The following MANBA variants were observed in gnomAD, a reference collection of about 807,000 sequenced individuals.
MANBA encodes the protein beta-mannosidase.
A neutral mutation model predicts 111.1 loss-of-function variants in MANBA; 83 were observed. The ratio of observed to expected loss-of-function variants is 0.75; its 90% CI spans 0.63 to 0.90. The LOEUF (loss-of-function observed/expected upper bound fraction) is 0.90, where lower values mean the gene tolerates loss of function less well. MANBA is among the 40% of genes least tolerant of loss of function. MANBA has a pLI of 0.00. For synonymous variants in MANBA, 370 were observed against 378.7 expected (o/e 0.98, Z 0.27); for missense variants, 1,036 against 1,069.0 (o/e 0.97, Z 0.43).
intron 1 of MANBA, among the ~76,000 whole-genome samples, chr4:102,759,156 G>A (rs1308298980): frequency 7.2e-6 from 1 of 138,732 alleles, no homozygotes; most frequent in African/African-American, 2.7e-5. Flanking sequence ...TTTTTTTAGA[G>A]ATAGAATCTC....
intron 3 of MANBA, among the ~76,000 whole-genome samples, chr4:102,723,296 G>C (rs535527358): frequency 6.6e-6 from 1 of 152,270 alleles, no homozygotes; most frequent in East Asian, 1.9e-4. Context: ...CTGGCAAAAT[G>C]ATGGTCCTAG....
Position 102,631,289 on chromosome 4 carries a change from C to G in MANBA, c.*768G>C, listed in dbSNP as rs1486939981. 4 of 153,570 alleles carry G rather than the reference C, an allele frequency of 2.6e-5. No homozygotes were observed. The highest frequency in any genetic ancestry group is 4.3e-5 in the Non-Finnish European group (3 of 69,098). 9.5% of individuals were successfully genotyped at this position (153,570 alleles called of 1,614,324 possible). A position where few individuals can be genotyped will look rare whatever the true frequency, so the allele number is the denominator to read the frequency against. On this transcript the variant is annotated 3_prime_UTR_variant, in exon 17 of 17. Transcript: ENST00000647097. ...AATATCTTAATTTTAAAGCCAAACA[C>G]TCTTTGCTGGTCCATTCTATAACCA...
At chr4:102,676,935 G>C (rs1380620738) in intron 7 of MANBA, among the ~76,000 whole-genome samples, 3 of 151,880 alleles carry the variant, frequency 2.0e-5, no homozygotes, top group African/African-American at 7.3e-5. Flanking sequence ...AAAAAAAACA[G>C]TTTCACTTAA....
intron 5 of MANBA, among the ~76,000 whole-genome samples, chr4:102,700,521 C>G (rs1334538822): frequency 1.3e-5 from 2 of 152,038 alleles, no homozygotes; most frequent in Admixed American, 6.6e-5. Context: ...CCTCTACACA[C>G]TGCTTTGAAT....
At position 102,653,259 on chromosome 4, in the gene MANBA, CACACACAA is replaced by C. The variant is rs1202028689; in HGVS notation, c.1705-2566_1705-2559del. Among the ~76,000 whole-genome samples the C allele has an allele frequency of 1.4e-4, 16 of 110,592 alleles. No individual in the cohort carries two copies. In the South Asian group the frequency reaches 3.2e-3, roughly 22 times the overall value. The allele number at this position is 110,592 out of a possible 152,430, so 72.6% of individuals were successfully genotyped here. ...ACACACACACACACACACACACACACACACACAAGGTATTTACTACCATTAACCCCAAT... is the reference window on the plus strand; with the variant it reads ...ACACACACACACACACACACACACACGGTATTTACTACCATTAACCCCAAT... On this transcript the variant is annotated intron_variant, in intron 12 of 16. Coordinates refer to ENST00000647097, the MANE Select transcript of MANBA (RefSeq NM_005908.4).
At chr4:102,750,270 C>T (rs1723738981) in intron 1 of MANBA, among the ~76,000 whole-genome samples, 1 of 151,890 alleles carries the variant, frequency 6.6e-6, no homozygotes, top group African/African-American at 2.4e-5. Flanking sequence ...GAGATCATTT[C>T]ACATCATAAA....
At chr4:102,654,834 C>G (rs1476616614) in intron 12 of MANBA, among the ~76,000 whole-genome samples, 1 of 151,778 alleles carries the variant, frequency 6.6e-6, no homozygotes, top group Non-Finnish European at 1.5e-5. Context: ...AAAGTTCTAG[C>G]CAGGGAAATT....
chr4:102,677,975 T>C (rs376855932), intron 7 of MANBA, among the ~76,000 whole-genome samples: 1 of 152,196 alleles, frequency 6.6e-6, no homozygotes, highest in South Asian at 2.1e-4. Flanking sequence ...ATATAACCCA[T>C]ATAAACAAAA....
At chr4:102,725,015 T>A (rs1018292830) in intron 2 of MANBA, among the ~76,000 whole-genome samples, 1 of 152,180 alleles carries the variant, frequency 6.6e-6, no homozygotes, top group Admixed American at 6.5e-5. Context: ...ATATGAGGTA[T>A]CCAGAACAAG....
intron 7 of MANBA, among the ~76,000 whole-genome samples, chr4:102,688,617 AC>A (rs2110241360): frequency 6.6e-6 from 1 of 152,276 alleles, no homozygotes; most frequent in South Asian, 2.1e-4. Flanking sequence ...GAGGGTTAAT[AC>A]CATTTCTACT....
chr4:102,723,023 C>T lies in MANBA; in HGVS notation c.397G>A (p.Val133Met), dbSNP rs201237452. The change falls in exon 4 of 17, where the codon GTG becomes ATG. Residue 133 changes from valine to methionine, a missense_variant. Transcript: ENST00000647097. ...TCAATGGAGTTCACGTCCCTGACCACGTTGGTAATATCAAAGCTCTAAGTT... is the reference window on the plus strand; with the variant it reads ...TCAATGGAGTTCACGTCCCTGACCATGTTGGTAATATCAAAGCTCTAAGTT... The part of the protein sequence containing the change: ...FNRYSFDITN[V>M]VRDVNSIELR... The T allele has an allele frequency of 1.6e-4, 254 of 1,613,866 alleles. 3 individuals carry two copies. In the South Asian group the frequency reaches 2.6e-3, roughly 16 times the overall value.
chr4:102,707,120 C>T (rs1345109451), intron 5 of MANBA, among the ~76,000 whole-genome samples: 2 of 152,090 alleles, frequency 1.3e-5, no homozygotes, highest in Non-Finnish European at 2.9e-5. Context: ...TTCTCCATGG[C>T]ACATTACAGT....
chr4:102,692,164 A>G (rs1427386553), intron 5 of MANBA, among the ~76,000 whole-genome samples: 2 of 152,178 alleles, frequency 1.3e-5, no homozygotes, highest in South Asian at 4.1e-4. Context: ...AGTGATATAC[A>G]AGGATGAATA....
intron 1 of MANBA, among the ~76,000 whole-genome samples, chr4:102,748,644 G>T (rs747904994): frequency 1.6e-4 from 24 of 152,310 alleles, no homozygotes; most frequent in Non-Finnish European, 4.4e-5. Flanking sequence ...GCCAGGCAAG[G>T]TGGCTCATGC....
intron 3 of MANBA, among the ~76,000 whole-genome samples, chr4:102,723,447 AAT>A (rs1222034012): frequency 6.6e-6 from 1 of 152,210 alleles, no homozygotes; most frequent in Non-Finnish European, 1.5e-5. Flanking sequence ...ATTTCTAAGT[AAT>A]GAGTTATTTT....
chr4:102,656,590 T>A (rs772589903), intron 12 of MANBA, among the ~76,000 whole-genome samples: 15 of 152,136 alleles, frequency 9.9e-5, no homozygotes, highest in Non-Finnish European at 1.9e-4. Flanking sequence ...ATATATTCAG[T>A]AGAATTGAAA....
Position 102,701,898 on chromosome 4 carries a change from T to C in MANBA, c.674-11127A>G, listed in dbSNP as rs533858939. 1.3e-4 allele frequency among the ~76,000 whole-genome samples: 19 copies of C among 151,798 alleles called. No homozygotes were observed. In the East Asian group the frequency reaches 3.5e-3, roughly 28 times the overall value. ...GTTCTCTGTATTTCCTGAATCTGAA[T>C]GTTGGCCTGCCTTGCTAGATTGGCA... On this transcript the variant is annotated intron_variant, in intron 5 of 16. Transcript: ENST00000647097.
chr4:102,632,629 C>T (rs1008830190), intron 16 of MANBA, among the ~76,000 whole-genome samples: 1 of 152,194 alleles, frequency 6.6e-6, no homozygotes, highest in Non-Finnish European at 1.5e-5. Context: ...GTTTTAATGA[C>T]TTTCTAAGGA....
chr4:102,737,350 G>C (rs1017479480), intron 1 of MANBA, among the ~76,000 whole-genome samples: 6 of 152,200 alleles, frequency 3.9e-5, no homozygotes, highest in African/African-American at 1.4e-4. Flanking sequence ...CCTGGGGCAA[G>C]ATCTCAGTCC....
Sources: allele counts gnomAD v4.1 joint callset (sites outside exome capture counted in the v4.1 genomes callset), GRCh38; gene constraint gnomAD v4.1.1; transcripts MANE v1.5; gene names NCBI Gene and HGNC (gene_info 2026-07-23, HGNC 2026-07-21).